VPS13D: variants seen among roughly 807,000 people sequenced by gnomAD.
VPS13D encodes the protein vacuolar protein sorting 13 homolog D.
In VPS13D, 187 loss-of-function variants were observed where a neutral mutation model predicts 461.9. The ratio of observed to expected loss-of-function variants is 0.40; its 90% confidence interval spans 0.36 to 0.46. VPS13D has a LOEUF of 0.46. Ranked by LOEUF, VPS13D falls within the 20% of genes least tolerant of loss-of-function variation. The pLI, the probability that VPS13D is intolerant of heterozygous loss-of-function variation, is 0.60. For missense variants in VPS13D, 4,711 were observed against 5,364.9 expected (o/e 0.88, Z 3.81); for synonymous variants, 1,951 against 1,986.3 (o/e 0.98, Z 0.47).
At chr1:12,371,548 G>A (rs139217195) in intron 54 of VPS13D, among the ~76,000 whole-genome samples, 3,430 of 151,902 alleles carry the variant, frequency 0.023, 42 homozygotes, top group Middle Eastern at 0.041. Context: ...ATGCCACCAC[G>A]CCTGGCTGAT....
At position 12,386,090 on chromosome 1, in the gene VPS13D, A is replaced by G. The variant is rs1441900507; in HGVS notation, c.11485-95A>G. ...TTTCATCTGCTGAGAGATCGGGAGT[A>G]GAGGAATGTAAAATGCTTTATTTTC... On this transcript the variant is annotated intron_variant, in intron 59 of 69. Coordinates refer to ENST00000620676, the MANE Select transcript of VPS13D (RefSeq NM_015378.4). 3.6e-6 allele frequency: 5 copies of G among 1,389,528 alleles called. No homozygotes were observed. The East Asian group carries it at 1.0e-4, about 28-fold the overall frequency. 86.1% of individuals were successfully genotyped at this position (1,389,528 alleles called of 1,614,324 possible). A position where few individuals can be genotyped will look rare whatever the true frequency, so the allele number is the denominator to read the frequency against.
chr1:12,340,942 C>T (rs964966432), intron 40 of VPS13D, among the ~76,000 whole-genome samples: 3 of 152,202 alleles, frequency 2.0e-5, no homozygotes, highest in African/African-American at 7.2e-5. Context: ...TGTGGAACCA[C>T]ATAGCATGGG....
At chr1:12,302,771 T>G (rs1207500860) in intron 25 of VPS13D, among the ~76,000 whole-genome samples, 1 of 151,958 alleles carries the variant, frequency 6.6e-6, no homozygotes, top group East Asian at 1.9e-4. Context: ...TTTTTTTAAG[T>G]GTTTGAATTA....
At chr1:12,425,005 G>T (rs1374774968) in intron 65 of VPS13D, among the ~76,000 whole-genome samples, 1 of 152,144 alleles carries the variant, frequency 6.6e-6, no homozygotes. Context: ...TGGCATTGTG[G>T]TCATGCATCC....
At chr1:12,281,511 G>T (rs1641781571) in intron 20 of VPS13D, among the ~76,000 whole-genome samples, 1 of 152,142 alleles carries the variant, frequency 6.6e-6, no homozygotes, top group South Asian at 2.1e-4. Flanking sequence ...TATAGAACAG[G>T]TTTAGTTCTA....
intron 25 of VPS13D, among the ~76,000 whole-genome samples, chr1:12,300,677 A>G (rs1642400825): frequency 6.6e-6 from 1 of 152,154 alleles, no homozygotes; most frequent in African/African-American, 2.4e-5. Flanking sequence ...TTTGTGTTTT[A>G]CATTGGGGAA....
intron 24 of VPS13D, among the ~76,000 whole-genome samples, chr1:12,298,718 A>G (rs1642342953): frequency 6.7e-6 from 1 of 150,130 alleles, no homozygotes; most frequent in African/African-American, 2.4e-5. Context: ...TTTTTCTCTG[A>G]TTGTCGGTTT....
At position 12,282,734 on chromosome 1, in the gene VPS13D, G is replaced by A; in HGVS notation, c.4632G>A (p.Gln1544=). The A allele has an allele frequency of 6.2e-7, 1 of 1,611,620 alleles. No individual in the cohort carries two copies. Among genetic ancestry groups the A allele is most frequent in the African/African-American group, 1.3e-5 (1 of 74,948 alleles). Residue 1544 remains glutamine (Q), a synonymous_variant, in exon 21 of 70, where the codon CAG becomes CAA. Transcript: ENST00000620676. ...QVVLAKHVYE[Q]VLQTLDNLVY... ...TGTTAGCAAAGCATGTATATGAGCA[G>A]GTTTTACAAACCCTGGACAATCTCG...
chr1:12,272,395 GT>G (rs1188750659), intron 17 of VPS13D, among the ~76,000 whole-genome samples: 4 of 102,184 alleles, frequency 3.9e-5, no homozygotes, highest in East Asian at 3.6e-4. Flanking sequence ...TTGTTTTGGT[GT>G]GTGTGTGTGT....
intron 25 of VPS13D, among the ~76,000 whole-genome samples, chr1:12,303,942 A>G (rs542503841): frequency 6.6e-5 from 10 of 152,342 alleles, no homozygotes; most frequent in African/African-American, 2.4e-4. Flanking sequence ...ATTCTCTGTT[A>G]GCCCTTCTTA....
intron 25 of VPS13D, among the ~76,000 whole-genome samples, chr1:12,302,284 A>T (rs1642444642): frequency 6.6e-6 from 1 of 152,202 alleles, no homozygotes; most frequent in Admixed American, 6.5e-5. Flanking sequence ...TTGAGGCCAT[A>T]CTAAAATTTT....
At chr1:12,372,173 C>T (rs1644128795) in intron 54 of VPS13D, among the ~76,000 whole-genome samples, 3 of 152,148 alleles carry the variant, frequency 2.0e-5, no homozygotes. Context: ...CCTGCTTCAG[C>T]CTCTCTCATA....
chr1:12,437,819 C>T (rs1002032333), intron 65 of VPS13D, among the ~76,000 whole-genome samples: 1 of 152,108 alleles, frequency 6.6e-6, no homozygotes. Flanking sequence ...TTCTTGGAAC[C>T]TTTGAGCCCT....
intron 67 of VPS13D, among the ~76,000 whole-genome samples, chr1:12,496,774 A>G (rs1040422669): frequency 2.6e-5 from 4 of 152,368 alleles, no homozygotes; most frequent in Non-Finnish European, 5.9e-5. Flanking sequence ...CCTGAAAGCC[A>G]TAACAAAGCA....
chr1:12,305,869 C>T (rs1452238408), intron 26 of VPS13D, among the ~76,000 whole-genome samples: 2 of 152,082 alleles, frequency 1.3e-5, no homozygotes, highest in Admixed American at 6.6e-5. Flanking sequence ...TTTTCATCCC[C>T]GTAGTAGTAG....
At chr1:12,298,410 C>A (rs534463048) in intron 24 of VPS13D, among the ~76,000 whole-genome samples, 4 of 152,098 alleles carry the variant, frequency 2.6e-5, no homozygotes, top group African/African-American at 7.2e-5. Context: ...GAGGCCAAGA[C>A]GGGTGGATCA....
At chr1:12,238,404 C>T (rs1640234952) in intron 2 of VPS13D, among the ~76,000 whole-genome samples, 1 of 151,726 alleles carries the variant, frequency 6.6e-6, no homozygotes, top group South Asian at 2.1e-4. Context: ...TGCCACTGCA[C>T]TGCAGCCTTG....
Position 12,279,458 on chromosome 1 carries a change from A to G in VPS13D, c.4451-41A>G. 1 of 1,538,444 alleles carries G rather than the reference A, an allele frequency of 6.5e-7. No individual in the cohort carries two copies. The highest frequency in any genetic ancestry group is 8.8e-7 in the Non-Finnish European group (1 of 1,133,000). ...TTTAATCAGCAGTAATGAAGTAAATATTAAGGTTTATGGTCTATCATTTCA... is the reference window on the plus strand; with the variant it reads ...TTTAATCAGCAGTAATGAAGTAAATGTTAAGGTTTATGGTCTATCATTTCA... On this transcript the variant is annotated intron_variant, in intron 19 of 69. Coordinates refer to ENST00000620676, the MANE Select transcript of VPS13D (RefSeq NM_015378.4). This position sits in a 1 kb window ranked among gnomAD's most constrained non-coding sequence, Gnocchi z 4.3.
At chr1:12,443,628 G>A (rs1402567724) in intron 65 of VPS13D, among the ~76,000 whole-genome samples, 2 of 151,454 alleles carry the variant, frequency 1.3e-5, no homozygotes, top group Non-Finnish European at 2.9e-5. Context: ...TTATTGTCAT[G>A]TATTTTAGTT....
Sources: allele counts gnomAD v4.1 joint callset (sites outside exome capture counted in the v4.1 genomes callset), GRCh38; gene constraint gnomAD v4.1.1; non-coding constraint Gnocchi (gnomAD v3.1); transcripts MANE v1.5; gene names NCBI Gene and HGNC (gene_info 2026-07-23, HGNC 2026-07-21).